Variants in ZNF131 observed in about 807,000 individuals in gnomAD.
The protein encoded by ZNF131 is zinc finger protein 131.
Under a neutral mutation model 60.0 loss-of-function variants are expected in ZNF131, and 7 were observed. That is an observed-to-expected ratio of 0.12 (90% CI 0.07 to 0.22). ZNF131 has a LOEUF of 0.22. ZNF131 is among the 10% of genes least tolerant of loss of function. The pLI is 1.00. For missense variants in ZNF131, 493 were observed against 740.9 expected (o/e 0.67, Z 3.88); for synonymous variants, 257 against 253.2 (o/e 1.01, Z -0.14).
In ZNF131 at chr5:43,175,130, A is replaced by G; in HGVS notation, c.1869A>G (p.Glu623=). 6.2e-7 allele frequency: 1 copy of G among 1,602,632 alleles called. No homozygotes were observed. Among genetic ancestry groups the G allele is most frequent in the Non-Finnish European group, 8.5e-7 (1 of 1,175,664 alleles). The change falls in exon 7 of 7, where the codon GAA becomes GAG. Residue 623 remains glutamate, a synonymous_variant. Transcript: ENST00000682664. ...NEDRTALPVL[E] ...ACAGAACAGCTCTGCCAGTTTTAGA[A>G]TGAAATTACACATGAATATATTTTT...
At chr5:43,150,686 G>A (rs1401675943) in intron 4 of ZNF131, among the ~76,000 whole-genome samples, 1 of 152,210 alleles carries the variant, frequency 6.6e-6, no homozygotes, top group Non-Finnish European at 1.5e-5. Flanking sequence ...CAGCTACTCA[G>A]GAGGCTGAGG....
intron 1 of ZNF131, among the ~76,000 whole-genome samples, chr5:43,121,338 CCCAAGCCCA>C (rs1214243620): frequency 6.6e-6 from 1 of 152,208 alleles, no homozygotes; most frequent in African/African-American, 2.4e-5. Context: ...TCTGCAGTAG[CCCAAGCCCA>C]CCGCTGCCCG....
At chr5:43,137,843 T>C (rs76251027) in intron 3 of ZNF131, among the ~76,000 whole-genome samples, 1,645 of 152,328 alleles carry the variant, frequency 0.011, 30 homozygotes, top group African/African-American at 0.037. Context: ...AACAGATTAA[T>C]GGATAAAGAA....
rs911587316 is a variant in ZNF131 at position 43,156,082 on chromosome 5, C to T, written c.372-5167C>T. Among the ~76,000 whole-genome samples, 9 of 152,342 alleles carry T rather than the reference C, an allele frequency of 5.9e-5. No homozygotes were observed. In the South Asian group the frequency reaches 6.2e-4, roughly 11 times the overall value. On this transcript the variant is annotated intron_variant, in intron 4 of 6. Coordinates refer to ENST00000682664, the MANE Select transcript of ZNF131 (RefSeq NM_001330707.2). ...TTCTTCCCAGTTGGGGTGATTCCCTCTGGTACTTATGGGATGAAGAAGTAT... is the reference window on the plus strand; with the variant it reads ...TTCTTCCCAGTTGGGGTGATTCCCTTTGGTACTTATGGGATGAAGAAGTAT...
At position 43,122,176 on chromosome 5, in the gene ZNF131, C is replaced by T. The variant is rs754233275; in HGVS notation, c.123C>T (p.Asp41=). The change falls in exon 2 of 7, where the codon GAC becomes GAT. Residue 41 remains aspartate, a splice_region_variant and synonymous_variant. Transcript: ENST00000682664. The part of the protein sequence containing the change: ...DRFTDITLIV[D]GHHFKAHKAV... Reference sequence around the variant, plus strand: ...TTACTGACATCACCCTAATTGTCGACGGTGGGTAGGGCAGTGGGCAGAGGA... The same window carrying T: ...TTACTGACATCACCCTAATTGTCGATGGTGGGTAGGGCAGTGGGCAGAGGA... The T allele has an allele frequency of 1.1e-5, 17 of 1,611,688 alleles. No homozygotes were observed. The highest frequency in any genetic ancestry group is 1.1e-5 in the Non-Finnish European group (13 of 1,179,004).
intron 5 of ZNF131, among the ~76,000 whole-genome samples, chr5:43,166,692 G>C (rs1463509585): frequency 2.0e-5 from 3 of 151,490 alleles, no homozygotes; most frequent in Non-Finnish European, 4.4e-5. Context: ...GTCTCGCTCT[G>C]TCGCCCAGAC....
intron 4 of ZNF131, among the ~76,000 whole-genome samples, chr5:43,158,510 G>A (rs1025359645): frequency 2.7e-5 from 4 of 150,880 alleles, no homozygotes; most frequent in African/African-American, 4.9e-5. Context: ...GGCTGGTCTC[G>A]AACTCCTGAC....
intron 4 of ZNF131, among the ~76,000 whole-genome samples, chr5:43,151,147 C>G (rs368726357): frequency 1.4e-4 from 21 of 152,330 alleles, no homozygotes; most frequent in East Asian, 1.3e-3. Flanking sequence ...TGGCTTGAAG[C>G]TGACATAAAT....
At chr5:43,138,870 C>G (rs374325657) in intron 3 of ZNF131, among the ~76,000 whole-genome samples, 15 of 152,116 alleles carry the variant, frequency 9.9e-5, no homozygotes, top group African/African-American at 3.6e-4. Flanking sequence ...TGTAATCTCC[C>G]TGGCAAGAAA....
intron 5 of ZNF131, among the ~76,000 whole-genome samples, chr5:43,172,899 CA>C (rs1751180333): frequency 6.6e-6 from 1 of 152,050 alleles, no homozygotes. Flanking sequence ...AAGTTTTTTG[CA>C]AAGAAGGACA....
chr5:43,151,729 C>T (rs2111749904), intron 4 of ZNF131, among the ~76,000 whole-genome samples: 1 of 152,254 alleles, frequency 6.6e-6, no homozygotes, highest in East Asian at 1.9e-4. Context: ...GCCACCGCGC[C>T]TTGCCAGTCA....
In ZNF131 at chr5:43,173,370, C is replaced by T; in HGVS notation, c.1107C>T (p.Ser369=). 1 of 1,612,880 alleles carries T rather than the reference C, an allele frequency of 6.2e-7. No individual in the cohort carries two copies. Among genetic ancestry groups the T allele is most frequent in the Non-Finnish European group, 8.5e-7 (1 of 1,179,104 alleles). The change falls in exon 6 of 7, where the codon AGC becomes AGT. Residue 369 remains serine (S), a synonymous_variant. Coordinates refer to ENST00000682664, the MANE Select transcript of ZNF131 (RefSeq NM_001330707.2). ...GTCATGAACGATTTGCTAGAAATAG[C>T]ACTCTGAAATGTCACCTCACTGCAT... ...PNCHERFARN[S]TLKCHLTACQ...
intron 3 of ZNF131, among the ~76,000 whole-genome samples, chr5:43,137,040 C>G (rs1661436106): frequency 1.3e-5 from 2 of 152,074 alleles, no homozygotes; most frequent in Admixed American, 1.3e-4. Flanking sequence ...CCCCTATCTT[C>G]TACCATAAAA....
chr5:43,149,001 C>T (rs763312245), intron 4 of ZNF131, among the ~76,000 whole-genome samples: 4 of 152,092 alleles, frequency 2.6e-5, no homozygotes, highest in African/African-American at 4.8e-5. Context: ...AAATTCATGC[C>T]GGGCACAGTG....
chr5:43,168,755 A>G (rs1410242228), intron 5 of ZNF131, among the ~76,000 whole-genome samples: 2 of 152,194 alleles, frequency 1.3e-5, no homozygotes, highest in South Asian at 4.1e-4. Context: ...GGAGTCGTCC[A>G]AACCAGAATG....
intron 4 of ZNF131, among the ~76,000 whole-genome samples, chr5:43,142,069 C>T (rs938147019): frequency 5.3e-5 from 8 of 151,640 alleles, no homozygotes; most frequent in Non-Finnish European, 7.4e-5. Flanking sequence ...GGCCTGGGCA[C>T]GGTGGCTCAC....
intron 5 of ZNF131, among the ~76,000 whole-genome samples, chr5:43,167,244 A>G (rs1218570717): frequency 6.6e-6 from 1 of 152,214 alleles, no homozygotes; most frequent in East Asian, 1.9e-4. Context: ...TTTAAATTTG[A>G]AATATTGCAG....
At chr5:43,160,125 A>G (rs958415073) in intron 4 of ZNF131, among the ~76,000 whole-genome samples, 5 of 151,824 alleles carry the variant, frequency 3.3e-5, no homozygotes, top group East Asian at 1.9e-4. Flanking sequence ...ACAGTGAGCC[A>G]AGATCACGCC....
In ZNF131 at chr5:43,175,257, C is replaced by A; in HGVS notation, c.*124C>A. 1.0e-6 allele frequency: 1 copy of A among 1,004,778 alleles called. No individual in the cohort carries two copies. Among genetic ancestry groups the A allele is most frequent in the East Asian group, 2.6e-5 (1 of 38,456 alleles). 62.2% of individuals were successfully genotyped at this position (1,004,778 alleles called of 1,614,324 possible). A position where few individuals can be genotyped will look rare whatever the true frequency, so the allele number is the denominator to read the frequency against. On this transcript the variant is annotated 3_prime_UTR_variant, in exon 7 of 7. Transcript: ENST00000682664. The stretch of plus-strand genomic sequence containing the variant: ...CAAAGTTAAGCTGTTTCCTGTTGTG[C>A]TGAACTGTTGTCCGTTGAAACACAT...
Sources: gnomAD v4.1 joint callset for allele counts (sites outside exome capture counted in the v4.1 genomes callset) on GRCh38, gnomAD v4.1.1 for gene constraint, MANE v1.5 for transcripts, NCBI Gene and HGNC (gene_info 2026-07-23, HGNC 2026-07-21) for gene names.